Variants in NOTCH1 observed in about 807,000 individuals in gnomAD.
NOTCH1 encodes neurogenic locus notch homolog protein 1.
In NOTCH1, 37 loss-of-function variants were observed where a neutral mutation model predicts 254.8. That is an observed-to-expected ratio of 0.15 (90% confidence interval 0.11 to 0.19). NOTCH1 has a LOEUF of 0.19. Among genes scored for constraint, NOTCH1 ranks in the 10% least tolerant of loss-of-function variants. The pLI, the probability that NOTCH1 is intolerant of heterozygous loss-of-function variation, is 1.00. For synonymous variants in NOTCH1, 1,731 were observed against 1,618.1 expected, an observed-to-expected ratio of 1.07 and a Z score of -1.68; for missense variants, 2,972 against 3,708.6, an observed-to-expected ratio of 0.80 and a Z score of 5.16.
chr9:136,541,152 C>A (rs1843727229), intron 2 of NOTCH1, among the ~76,000 whole-genome samples: 1 of 152,136 alleles, frequency 6.6e-6, no homozygotes, highest in South Asian at 2.1e-4. Context: ...GCCCAGAGAC[C>A]AACCATCCTC....
At chr9:136,498,113 G>A (rs1041854888) in intron 33 of NOTCH1, among the ~76,000 whole-genome samples, 3 of 152,174 alleles carry the variant, frequency 2.0e-5, no homozygotes, top group Non-Finnish European at 4.4e-5. Flanking sequence ...TCTCTGTGGG[G>A]CCATGCTGCC....
intron 30 of NOTCH1, 104 bp downstream of exon 30, chr9:136,501,644 A>G (rs915114728): frequency 1.4e-6 from 2 of 1,414,056 alleles, no homozygotes; most frequent in Non-Finnish European, 1.9e-6. Flanking sequence ...CTCACCCCCA[A>G]TTCTAAGTTT....
rs57965156 is a variant in NOTCH1, at chr9:136,535,545, C to CA, written c.140+8478_140+8479insT. 2.1e-3 allele frequency among the ~76,000 whole-genome samples: 84 copies of CA among 39,966 alleles called. 1 individual carries two copies. Among genetic ancestry groups the CA allele is most frequent in the East Asian group, 0.011 (4 of 364 alleles). The allele number at this position is 39,966 out of a possible 152,430, so 26.2% of individuals were successfully genotyped here. ...AGGGGGGAGCACTCAGGATCCCTCCCGGGGCAATGGGTGCATGGTGGGTGG... is the reference window on the plus strand; with the variant it reads ...AGGGGGGAGCACTCAGGATCCCTCCCAGGGGCAATGGGTGCATGGTGGGTGG... On this transcript the variant is annotated intron_variant, in intron 2 of 33. Coordinates refer to ENST00000651671, the MANE Select transcript of NOTCH1 (RefSeq NM_017617.5).
Position 136,508,272 on chromosome 9 carries a change from G to C in NOTCH1, c.3285C>G (p.Asp1095Glu), listed in dbSNP as rs770364830. The change falls in exon 20 of 34, where the codon GAC (aspartate) becomes GAG (glutamate). Residue 1095 changes from aspartate (D) to glutamate (E), a missense_variant. Coordinates refer to ENST00000651671, the MANE Select transcript of NOTCH1 (RefSeq NM_017617.5). ...CPSGWTGLYCDVPSVSCEVAA... is the reference protein window; with the variant it reads ...CPSGWTGLYCEVPSVSCEVAA... ...CCACCTCACAGGACACGCTGGGCAC[G>C]TCGCAGTAAAGGCCGGTCCAGCCGC... The C allele has an allele frequency of 6.2e-7, 1 of 1,612,788 alleles. No individual in the cohort carries two copies. Among genetic ancestry groups the C allele is most frequent in the Non-Finnish European group, 8.5e-7 (1 of 1,179,974 alleles).
In NOTCH1 at chr9:136,510,780, G is replaced by C. The variant is rs767614547; in HGVS notation, c.2613C>G (p.Asn871Lys). The C allele has an allele frequency of 1.4e-5, 22 of 1,610,110 alleles. No individual in the cohort carries two copies. The highest frequency in any genetic ancestry group is 1.7e-5 in the Non-Finnish European group (20 of 1,179,862). ...GCCGGCACGGGCTCAGAACGCACTCGTTGATGTCGACCTCACAGGTCTGCC... is the reference window on the plus strand; with the variant it reads ...GCCGGCACGGGCTCAGAACGCACTCCTTGATGTCGACCTCACAGGTCTGCC... ...WQGQTCEVDI[N>K]ECVLSPCRHG... The change falls in exon 17 of 34, where the codon AAC (asparagine) becomes AAG (lysine). Residue 871 changes from asparagine (N) to lysine (K), a missense_variant. Physicochemically the swap from Asn to Lys is moderately conservative, Grantham distance 94 (BLOSUM62 0). This residue lies in a region of NOTCH1 where 1,343 missense variants were observed against 1,557.0 expected (regional missense o/e 0.86). Transcript: ENST00000651671.
chr9:136,539,652 T>C (rs1364229788), intron 2 of NOTCH1, among the ~76,000 whole-genome samples: 1 of 152,222 alleles, frequency 6.6e-6, no homozygotes, highest in Non-Finnish European at 1.5e-5. Flanking sequence ...GGATGCTGCA[T>C]GTTTTTAAAC....
At chr9:136,523,572 G>T (rs377109335) in intron 3 of NOTCH1, 145 bp downstream of exon 3, 19 of 1,032,922 alleles carry the variant, frequency 1.8e-5, no homozygotes, top group East Asian at 7.8e-5. Context: ...GGTCTGGGAG[G>T]GGGGCAGGGA....
rs1842888971 is a variant in NOTCH1, at chr9:136,494,555, ACTCT to A, written c.*1512_*1515del. 2.5e-6 allele frequency: 1 copy of A among 398,864 alleles called. No individual in the cohort carries two copies. Among genetic ancestry groups the A allele is most frequent in the African/African-American group, 2.1e-5 (1 of 48,638 alleles). The allele number at this position is 398,864 out of a possible 1,614,324, so 24.7% of individuals were successfully genotyped here. A position where few individuals can be genotyped will look rare whatever the true frequency, so the allele number is the denominator to read the frequency against. On this transcript the variant is annotated 3_prime_UTR_variant, in exon 34 of 34. Transcript: ENST00000651671. ...TTTAAAGTCTTTTTCTGTAAACTAC[ACTCT>A]ATTTTATAAAACACAGTAAAAATCA...
chr9:136,512,790 C>T (rs77403287), intron 15 of NOTCH1, among the ~76,000 whole-genome samples: 446 of 152,262 alleles, frequency 2.9e-3, no homozygotes, highest in Non-Finnish European at 4.7e-3. Context: ...ACCCCACCCC[C>T]GGGAGAAGGC....
intron 18 of NOTCH1, among the ~76,000 whole-genome samples, 167 bp from the exon 19 acceptor site, chr9:136,509,238 G>A (rs1843139069): frequency 6.6e-6 from 1 of 152,212 alleles, no homozygotes; most frequent in South Asian, 2.1e-4. Flanking sequence ...TGGGAACCCG[G>A]GGCCCGGCTC....
In NOTCH1 at chr9:136,501,982, C is replaced by T. The variant is rs755674060; in HGVS notation, c.5472+19G>A. 25 of 1,612,094 alleles carry T rather than the reference C, an allele frequency of 1.6e-5. No homozygotes were observed. Among genetic ancestry groups the T allele is most frequent in the Middle Eastern group, 1.6e-4 (1 of 6,082 alleles). On this transcript the variant is annotated intron_variant, in intron 29 of 33. Coordinates refer to ENST00000651671, the MANE Select transcript of NOTCH1 (RefSeq NM_017617.5). ...GCAGGTGCCCGGGAGCCCAGGAGCC[C>T]GGGAGCCTCGCGACTCACCCGGAAC...
rs2229974 is a variant in NOTCH1 at position 136,497,184 on chromosome 9, G to A, written c.6555C>T (p.Asp2185=). The A allele has an allele frequency of 0.58, 927,716 of 1,612,574 alleles. 272,030 individuals carry two copies. The highest frequency in any genetic ancestry group is 0.91 in the East Asian group (40,961 of 44,870). Residue 2185 remains aspartate, a synonymous_variant, in exon 34 of 34, where the codon GAC becomes GAT. Coordinates refer to ENST00000651671, the MANE Select transcript of NOTCH1 (RefSeq NM_017617.5). ...AGCTGTCCAGCAGGCAGCCCTTGCC[G>A]TCCTGGGACTTCTTCCTCCGTGCCT... ...DLKARRKKSQ[D]GKGCLLDSSG...
At chr9:136,533,660 G>A (rs1023871754) in intron 2 of NOTCH1, among the ~76,000 whole-genome samples, 3 of 152,226 alleles carry the variant, frequency 2.0e-5, no homozygotes, top group East Asian at 1.9e-4. Context: ...CCGCAGGGTC[G>A]AGGGCAGGAC....
intron 4 of NOTCH1, among the ~76,000 whole-genome samples, chr9:136,521,844 C>T (rs140493798): frequency 7.9e-5 from 12 of 152,316 alleles, no homozygotes; most frequent in Non-Finnish European, 1.6e-4. Flanking sequence ...GTGGGGCAGC[C>T]CTTGGGCCAC....
At chr9:136,503,759 G>T (rs541950657) in intron 26 of NOTCH1, among the ~76,000 whole-genome samples, 1 of 152,338 alleles carries the variant, frequency 6.6e-6, no homozygotes, top group South Asian at 2.1e-4. Context: ...GGCTGGGGGT[G>T]AGCTCTGCTC....
chr9:136,505,839 C>T lies in NOTCH1; in HGVS notation c.4057G>A (p.Gly1353Ser), dbSNP rs761908188. 1.3e-5 allele frequency: 21 copies of T among 1,594,452 alleles called. No homozygotes were observed. Among genetic ancestry groups the T allele is most frequent in the Middle Eastern group, 1.7e-4 (1 of 5,940 alleles). ...ATCENDARTC[G>S]SLRCLNGGTC... is the part of the protein sequence containing the mutation. ...CCGCCGTTGAGGCAGCGCAGGCTGC[C>T]GCAGGTACGAGCGTCATTCTCACAC... Residue 1353 changes from glycine (G) to serine (S), a missense_variant, in exon 25 of 34, where the codon GGC becomes AGC. Around this residue, in one of 8 missense-constraint regions of NOTCH1, gnomAD observed 1,343 missense variants for 1,557.0 expected, o/e 0.86. Coordinates refer to ENST00000651671, the MANE Select transcript of NOTCH1 (RefSeq NM_017617.5).
Position 136,494,493 on chromosome 9 carries a change from A to C in NOTCH1, c.*1578T>G, listed in dbSNP as rs984125969. 4 of 398,942 alleles carry C rather than the reference A, an allele frequency of 1.0e-5. No individual in the cohort carries two copies. Among genetic ancestry groups the C allele is most frequent in the African/African-American group, 8.2e-5 (4 of 48,658 alleles). The allele number at this position is 398,942 out of a possible 1,614,324, so 24.7% of individuals were successfully genotyped here. A position where few individuals can be genotyped will look rare whatever the true frequency, so the allele number is the denominator to read the frequency against. On this transcript the variant is annotated 3_prime_UTR_variant, in exon 34 of 34. Coordinates refer to ENST00000651671, the MANE Select transcript of NOTCH1 (RefSeq NM_017617.5). ...CAAATCAGTTAACAAAAAAGATGAA[A>C]AAAATACATCATCTACAGTTCCTCA...
intron 33 of NOTCH1, among the ~76,000 whole-genome samples, chr9:136,498,378 T>C (rs1390227165): frequency 6.6e-6 from 1 of 152,094 alleles, no homozygotes; most frequent in Non-Finnish European, 1.5e-5. Flanking sequence ...CCCTTGGATA[T>C]AGTCCTGAGA....
In NOTCH1 at chr9:136,544,112, G is replaced by A; in HGVS notation, c.62-10C>T. On this transcript the variant is annotated splice_polypyrimidine_tract_variant and intron_variant, in intron 1 of 33. Transcript: ENST00000651671. ...TGGGAGCATCGCGGGCCTAGGCAGG[G>A]GCAGGAGAAGAGAGGTCAGTCTCAC... The A allele has an allele frequency of 6.4e-7, 1 of 1,564,814 alleles. No homozygotes were observed. Among genetic ancestry groups the A allele is most frequent in the Non-Finnish European group, 8.7e-7 (1 of 1,155,768 alleles).
Sources: gnomAD v4.1 joint callset for allele counts (sites outside exome capture counted in the v4.1 genomes callset) on GRCh38, gnomAD v4.1.1 for gene constraint, gnomAD v4.1.1 regional missense constraint, MANE v1.5 for transcripts, NCBI Gene and HGNC (gene_info 2026-07-23, HGNC 2026-07-21) for gene names.